ZC3H12B: variants seen among roughly 807,000 people sequenced by gnomAD.
The protein encoded by ZC3H12B is zinc finger CCCH-type containing 12B.
In ZC3H12B, 7 loss-of-function variants were observed where a neutral mutation model predicts 43.9. The observed-to-expected ratio is 0.16, with a 90% confidence interval of 0.09 to 0.30. The LOEUF (loss-of-function observed/expected upper bound fraction) is 0.30. Among genes scored for constraint, ZC3H12B ranks in the 10% least tolerant of loss-of-function variants. The probability of loss-of-function intolerance (pLI) is 1.00; values close to 1 mark genes in which losing one functional copy is unlikely to be tolerated. For missense variants in ZC3H12B, 475 were observed against 670.2 expected, an observed-to-expected ratio of 0.71 and a Z score of 3.22; for synonymous variants, 222 against 241.7, an observed-to-expected ratio of 0.92 and a Z score of 0.76.
the ZC3H12B span, among the ~76,000 whole-genome samples, chrX:65,149,232 C>A: frequency 9.0e-6 from 1 of 111,642 alleles, no homozygotes; most frequent in Non-Finnish European, 1.9e-5. Flanking sequence ...CCCACATAAT[C>A]TCCAGTCCTG....
At position 65,448,971 on chromosome X, in the gene ZC3H12B, G is replaced by GAA. The variant is rs2067424424; in HGVS notation, n.408-39673_408-39672dup. Among the ~76,000 whole-genome samples, 15 of 83,929 alleles carry GAA rather than the reference G, an allele frequency of 1.8e-4. 1 individual carries two copies. The highest frequency in any genetic ancestry group is 8.4e-4 in the African/African-American group (13 of 15,394). The allele number at this position is 83,929 out of a possible 115,157, so 72.9% of individuals were successfully genotyped here. A position where few individuals can be genotyped will look rare whatever the true frequency, so the allele number is the denominator to read the frequency against. ...AAAGAAAGAAAAAGAAAGAAAGAAA[G>GAA]AAAGAAAGAGAAAGAAAGAAAGAGA... On this transcript the variant is annotated intron_variant and non_coding_transcript_variant, in intron 3 of 5. Transcript: ENST00000617377.
intron 3 of ZC3H12B, among the ~76,000 whole-genome samples, chrX:65,449,275 G>A (rs771984673): frequency 2.7e-5 from 3 of 110,619 alleles, no homozygotes; most frequent in Non-Finnish European, 3.8e-5. Context: ...TAACAAACCT[G>A]CACGTCCTGC....
At chrX:65,116,356 G>T in the ZC3H12B span, among the ~76,000 whole-genome samples, 1 of 110,889 alleles carries the variant, frequency 9.0e-6, no homozygotes, top group Non-Finnish European at 1.9e-5. Flanking sequence ...TCAGTTGGAT[G>T]TAAGTATTTG....
At chrX:65,242,471 A>G in the ZC3H12B span, among the ~76,000 whole-genome samples, 1 of 112,250 alleles carries the variant, frequency 8.9e-6, no homozygotes. Context: ...GTATAAAACA[A>G]TGAACAAAAT....
chrX:65,077,583 C>T, the ZC3H12B span, among the ~76,000 whole-genome samples: 3 of 112,286 alleles, frequency 2.7e-5, no homozygotes, highest in African/African-American at 9.7e-5. Flanking sequence ...GCTGGATTTT[C>T]CAGGAGCTTT....
the ZC3H12B span, among the ~76,000 whole-genome samples, chrX:65,325,281 C>T: frequency 4.3e-3 from 477 of 111,046 alleles, 1 homozygote; most frequent in Middle Eastern, 9.3e-3. Flanking sequence ...AGATAAAAGG[C>T]ATCTAAATGA....
chrX:65,391,552 TG>T (rs1050411565), intron 2 of ZC3H12B, among the ~76,000 whole-genome samples: 1 of 111,361 alleles, frequency 9.0e-6, no homozygotes, highest in African/African-American at 3.3e-5. Flanking sequence ...GTGGGGGATA[TG>T]GGGCCCAACA....
the ZC3H12B span, among the ~76,000 whole-genome samples, chrX:65,112,353 C>T: frequency 8.9e-6 from 1 of 112,217 alleles, no homozygotes; most frequent in Non-Finnish European, 1.9e-5. Context: ...GCAGCAAGTG[C>T]TGATGGAAAA....
At chrX:65,366,118 T>A (rs1421965137), upstream of ZC3H12B, among the ~76,000 whole-genome samples, 1 of 109,745 alleles carries the variant, frequency 9.1e-6, no homozygotes, top group South Asian at 4.0e-4. Flanking sequence ...TGATTTGCTA[T>A]ACCTGAACTG....
intron 3 of ZC3H12B, among the ~76,000 whole-genome samples, chrX:65,400,492 G>T (rs2066750360): frequency 8.9e-6 from 1 of 111,819 alleles, no homozygotes; most frequent in Non-Finnish European, 1.9e-5. Flanking sequence ...TAATGCTACA[G>T]ATTTTTCATC....
the ZC3H12B span, among the ~76,000 whole-genome samples, chrX:65,199,271 G>A: frequency 9.3e-6 from 1 of 107,386 alleles, no homozygotes; most frequent in African/African-American, 3.4e-5. Context: ...GCTGTTAAGA[G>A]ACTATGATGC....
chrX:65,280,090 G>A, the ZC3H12B span, among the ~76,000 whole-genome samples: 3 of 111,247 alleles, frequency 2.7e-5, no homozygotes, highest in Admixed American at 2.9e-4. Context: ...AGCAAGCAAG[G>A]ACACAACAAA....
chrX:65,092,293 C>G, the ZC3H12B span, among the ~76,000 whole-genome samples: 1 of 111,520 alleles, frequency 9.0e-6, no homozygotes, highest in African/African-American at 3.3e-5. Context: ...AGATAATGGA[C>G]TAATACAGAA....
At chrX:65,288,897 T>C in the ZC3H12B span, among the ~76,000 whole-genome samples, 5 of 111,885 alleles carry the variant, frequency 4.5e-5, no homozygotes, top group African/African-American at 1.6e-4. Flanking sequence ...TTAGTAATGT[T>C]ACAAGATACA....
intron 2 of ZC3H12B, among the ~76,000 whole-genome samples, chrX:65,391,013 A>T (rs186401215): frequency 4.5e-5 from 5 of 112,236 alleles, no homozygotes; most frequent in Non-Finnish European, 7.5e-5. Flanking sequence ...ACACTGGGAC[A>T]GACTGAGACA....
the ZC3H12B span, among the ~76,000 whole-genome samples, chrX:65,307,207 A>G: frequency 2.7e-5 from 3 of 112,250 alleles, no homozygotes; most frequent in East Asian, 8.4e-4. Context: ...GACAGTCTTT[A>G]AAGTAATATA....
At chrX:65,450,807 GTA>G (rs1448663861) in intron 3 of ZC3H12B, among the ~76,000 whole-genome samples, 2 of 60,560 alleles carry the variant, frequency 3.3e-5, no homozygotes, top group East Asian at 4.9e-4. Context: ...ATACATATGT[GTA>G]TATATGTATA....
intron 3 of ZC3H12B, among the ~76,000 whole-genome samples, chrX:65,447,137 C>T (rs1239739770): frequency 1.8e-5 from 2 of 111,414 alleles, no homozygotes. Flanking sequence ...CCCTCTTCTC[C>T]TTCTTGCACT....
chrX:65,269,853 A>C, the ZC3H12B span, among the ~76,000 whole-genome samples: 1 of 111,559 alleles, frequency 9.0e-6, no homozygotes, highest in Non-Finnish European at 1.9e-5. Flanking sequence ...ACCTAAAACT[A>C]TAAAACTAAT....
Sources: gnomAD v4.1 joint callset for allele counts (sites outside exome capture counted in the v4.1 genomes callset) on GRCh38, gnomAD v4.1.1 for gene constraint, MANE v1.5 for transcripts, NCBI Gene and HGNC (gene_info 2026-07-23, HGNC 2026-07-21) for gene names.